The following PLIN4 variants were observed in gnomAD, a reference collection of about 807,000 sequenced individuals.
PLIN4 encodes perilipin 4.
Under a neutral mutation model 52.4 loss-of-function variants are expected in PLIN4, and 57 were observed. The ratio of observed to expected loss-of-function variants is 1.09; its 90% CI spans 0.88 to 1.36. The LOEUF (loss-of-function observed/expected upper bound fraction) is 1.36. Ranked by LOEUF, PLIN4 falls within the 40% of genes most tolerant of loss-of-function variation. The pLI, the probability that PLIN4 is intolerant of heterozygous loss-of-function variation, is 0.00. For missense variants in PLIN4, 1,757 were observed against 1,770.3 expected (o/e 0.99, Z 0.13); for synonymous variants, 826 against 785.4 (o/e 1.05, Z -0.86).
Position 4,504,483 on chromosome 19 carries a change from G to C in PLIN4, c.4092C>G (p.Phe1364Leu). 6.3e-7 allele frequency: 1 copy of C among 1,589,390 alleles called. No homozygotes were observed. The highest frequency in any genetic ancestry group is 1.7e-5 in the Admixed American group (1 of 59,066). The change falls in exon 8 of 8, where the codon TTC (phenylalanine) becomes TTG (leucine). Residue 1364 changes from phenylalanine (F) to leucine (L), a missense_variant. Physicochemically the swap from Phe to Leu is conservative, Grantham distance 22. This residue lies in a region of PLIN4 where 712 missense variants were observed against 637.1 expected (regional missense o/e 1.12). Coordinates refer to ENST00000301286, the MANE Select transcript of PLIN4 (RefSeq NM_001367868.2). ...GCTACTGCCCGCCAGCGGGCAAGGC[G>C]AAGGGCCCTACCAGCCAGCTGAGCG... ...NPPLSWLVGP[F>L]ALPAGGQ
At chr19:4,516,797 G>T in intron 3 of PLIN4, 119 bp from the exon 4 acceptor site, 1 of 1,024,896 alleles carries the variant, frequency 9.8e-7, no homozygotes, top group Non-Finnish European at 1.4e-6. Context: ...CAGCTACCCC[G>T]CCAGGGACAG....
rs144298760 is a variant in PLIN4, at chr19:4,509,679, C to A, written c.3515-724G>T. Among the ~76,000 whole-genome samples, 441 of 152,182 alleles carry A rather than the reference C, an allele frequency of 2.9e-3. 2 individuals are homozygous for A. The highest frequency in any genetic ancestry group is 1.0e-2 in the African/African-American group (414 of 41,512). ...ATGAAGCTGGGTATGGTGGCTCATG[C>A]CTGTAATCCCAGCACTTTGGGAGGC... On this transcript the variant is annotated intron_variant, in intron 5 of 7. Transcript: ENST00000301286.
Position 4,504,349 on chromosome 19 carries a change from C to G in PLIN4, c.*110G>C, listed in dbSNP as rs1370097249. The G allele has an allele frequency of 6.1e-6, 7 of 1,154,552 alleles. No homozygotes were observed. Among genetic ancestry groups the G allele is most frequent in the Non-Finnish European group, 8.3e-6 (7 of 846,430 alleles). The allele number at this position is 1,154,552 out of a possible 1,614,324, so 71.5% of individuals were successfully genotyped here. ...CTCAGCCAGCTGCAGCCCCAAAGGT[C>G]TAGGGCTTTAGGGAACCGATCCAGG... On this transcript the variant is annotated 3_prime_UTR_variant, in exon 8 of 8. Transcript: ENST00000301286.
Position 4,518,237 on chromosome 19 carries a change from G to C in PLIN4, c.36C>G (p.Pro12=), listed in dbSNP as rs61511854. ...CCCTCTTTACCTTGCCCTTCGGTTT[G>C]GGGGGATCCCGTCTCCCTTCGTCTG... The part of the protein sequence containing the change: ...SAPDEGRRDP[P]KPKGKTLGSF... The change falls in exon 2 of 8, where the codon CCC becomes CCG. Residue 12 remains proline, a synonymous_variant. Transcript: ENST00000301286. 6 of 1,232,916 alleles carry C rather than the reference G, an allele frequency of 4.9e-6. No homozygotes were observed. In the African/African-American group the frequency reaches 6.2e-5, roughly 13 times the overall value. 76.4% of individuals were successfully genotyped at this position (1,232,916 alleles called of 1,614,324 possible). A position where few individuals can be genotyped will look rare whatever the true frequency, so the allele number is the denominator to read the frequency against.
At chr19:4,517,418 G>A (rs979626746) in intron 3 of PLIN4, 136 bp downstream of exon 3, 7 of 1,177,936 alleles carry the variant, frequency 5.9e-6, no homozygotes, top group South Asian at 1.7e-5. Context: ...ACCACAAGAT[G>A]TCCTAGTGTC....
chr19:4,514,735 AATG>A (rs1976540996), intron 4 of PLIN4, among the ~76,000 whole-genome samples: 1 of 151,112 alleles, frequency 6.6e-6, no homozygotes, highest in Admixed American at 6.6e-5. Flanking sequence ...CTCAAATAAT[AATG>A]ATAATGATAA....
Position 4,518,481 on chromosome 19 carries a change from G to A in PLIN4, c.-114C>T. ...CCTGGAGGACGGACCGGCCCGGCTG[G>A]CAGCTGGCTCTACCCTCAGCTCCCT... On this transcript the variant is annotated 5_prime_UTR_variant, in exon 1 of 8. Coordinates refer to ENST00000301286, the MANE Select transcript of PLIN4 (RefSeq NM_001367868.2). 1 of 1,214,760 alleles carries A rather than the reference G, an allele frequency of 8.2e-7. No homozygotes were observed. Among genetic ancestry groups the A allele is most frequent in the Non-Finnish European group, 1.0e-6 (1 of 977,502 alleles). 75.2% of individuals were successfully genotyped at this position (1,214,760 alleles called of 1,614,324 possible).
At chr19:4,508,457 G>A (rs909252939) in intron 6 of PLIN4, among the ~76,000 whole-genome samples, 5 of 152,234 alleles carry the variant, frequency 3.3e-5, no homozygotes, top group Non-Finnish European at 7.4e-5. Flanking sequence ...AGTAGAGACG[G>A]GGTTTCTCTG....
chr19:4,513,201 A>G lies in PLIN4; in HGVS notation c.759T>C (p.Ile253=), dbSNP rs770629951. The change falls in exon 5 of 8, where the codon ATT becomes ATC. Residue 253 remains isoleucine (I), a synonymous_variant. Coordinates refer to ENST00000301286, the MANE Select transcript of PLIN4 (RefSeq NM_001367868.2). ...TGAVNVARGS[I]QTGVDTSKTV... is the part of the protein sequence containing the mutation. ...TCTTACTGGTGTCCACACCGGTCTG[A>G]ATGCTTCCTCTGGCCACATTCACTG... The G allele has an allele frequency of 2.5e-6, 4 of 1,610,624 alleles. No individual in the cohort carries two copies. The Admixed American group carries it at 6.7e-5, about 27-fold the overall frequency.
intron 2 of PLIN4, 83 bp downstream of exon 2, chr19:4,518,139 C>A (rs1976639928): frequency 7.0e-6 from 8 of 1,142,438 alleles, no homozygotes; most frequent in Non-Finnish European, 1.1e-6. Flanking sequence ...AGATTCGAGA[C>A]CCCAGGACTG....
rs115132379 is a variant in PLIN4, at chr19:4,517,773, G to A, written c.52-75C>T. Reference sequence around the variant, plus strand: ...GAACGGGTCAGAGGAAGCATCGATTGATCAGCCCAATGCCGCCCCGGCCCC... The same window carrying A: ...GAACGGGTCAGAGGAAGCATCGATTAATCAGCCCAATGCCGCCCCGGCCCC... On this transcript the variant is annotated intron_variant, in intron 2 of 7. Transcript: ENST00000301286. The A allele has an allele frequency of 4.6e-6, 7 of 1,509,546 alleles. No homozygotes were observed. The East Asian group carries it at 7.4e-5, about 16-fold the overall frequency. 93.5% of individuals were successfully genotyped at this position (1,509,546 alleles called of 1,614,324 possible). A position where few individuals can be genotyped will look rare whatever the true frequency, so the allele number is the denominator to read the frequency against.
chr19:4,513,839 A>G, intron 4 of PLIN4, 138 bp from the exon 5 acceptor site: 1 of 1,138,594 alleles, frequency 8.8e-7, no homozygotes. Flanking sequence ...CTCAAAAAGC[A>G]AGCTGCTTCC....
Position 4,508,771 on chromosome 19 carries a change from C to T in PLIN4, c.3699G>A (p.Arg1233=). The T allele has an allele frequency of 6.3e-7, 1 of 1,579,760 alleles. No homozygotes were observed. Residue 1233 remains arginine (R), a synonymous_variant, in exon 6 of 8, where the codon AGG becomes AGA. Coordinates refer to ENST00000301286, the MANE Select transcript of PLIN4 (RefSeq NM_001367868.2). ...DTLAQLQDCF[R]LIEKAQQAPE... is the part of the protein sequence containing the mutation. ...AGCAGCAGGGGGAAGCTCTTACCAG[C>T]CTGAAGCAGTCCTGGAGCTGGGCCA...
chr19:4,509,825 G>A (rs1471714235), intron 5 of PLIN4, among the ~76,000 whole-genome samples: 1 of 151,942 alleles, frequency 6.6e-6, no homozygotes, highest in East Asian at 1.9e-4. Flanking sequence ...TGAGGCTGGA[G>A]CAGGAGGATC....
At position 4,515,807 on chromosome 19, in the gene PLIN4, A is replaced by C. The variant is rs901079045; in HGVS notation, c.258+810T>G. 2.4e-4 allele frequency among the ~76,000 whole-genome samples: 36 copies of C among 152,224 alleles called. 1 individual carries two copies. The highest frequency in any genetic ancestry group is 8.4e-4 in the African/African-American group (35 of 41,450). Reference sequence around the variant, plus strand: ...TGAGAAGCCCGGAAATTGTATTCTCAGAACACATCTCCCAGCTTTGGCTCA... The same window carrying C: ...TGAGAAGCCCGGAAATTGTATTCTCCGAACACATCTCCCAGCTTTGGCTCA... On this transcript the variant is annotated intron_variant, in intron 4 of 7. Transcript: ENST00000301286.
chr19:4,508,707 C>A, intron 6 of PLIN4, 61 bp downstream of exon 6: 1 of 1,495,878 alleles, frequency 6.7e-7, no homozygotes, highest in South Asian at 1.3e-5. Flanking sequence ...CTGGGTGAGT[C>A]CTGGGCAGGG....
At position 4,504,939 on chromosome 19, in the gene PLIN4, C is replaced by T; in HGVS notation, c.3711G>A (p.Lys1237=). ...GCTGCCCTTCTGGAGCCTGCTGGGC[C>T]TTTTCAATCTGGAGAGAGAGTACAG... ...QLQDCFRLIE[K]AQQAPEGQPR... The change falls in exon 7 of 8, where the codon AAG becomes AAA. Residue 1237 remains lysine (K), a synonymous_variant. Transcript: ENST00000301286. 6.2e-7 allele frequency: 1 copy of T among 1,603,448 alleles called. No individual in the cohort carries two copies.
chr19:4,514,672 G>T (rs1976538754), intron 4 of PLIN4, among the ~76,000 whole-genome samples: 1 of 151,800 alleles, frequency 6.6e-6, no homozygotes, highest in Admixed American at 6.6e-5. Context: ...AGCTTGCAGT[G>T]AGCCGAGATC....
At chr19:4,510,092 G>A (rs1015581185) in intron 5 of PLIN4, among the ~76,000 whole-genome samples, 9 of 152,066 alleles carry the variant, frequency 5.9e-5, no homozygotes, top group African/African-American at 1.7e-4. Context: ...GCCCAGCTGG[G>A]CGTGGTGGCT....
Sources: gnomAD v4.1 joint callset for allele counts (sites outside exome capture counted in the v4.1 genomes callset) on GRCh38, gnomAD v4.1.1 for gene constraint, gnomAD v4.1.1 regional missense constraint, MANE v1.5 for transcripts, NCBI Gene and HGNC (gene_info 2026-07-23, HGNC 2026-07-21) for gene names.